Variants in CDH12 observed in about 807,000 individuals in gnomAD.
CDH12 encodes cadherin 12, also known as cadherin-12.
CDH12 carries 41 observed loss-of-function variants against 74.1 expected under a neutral mutation model. The observed-to-expected ratio is 0.55, with a 90% CI of 0.43 to 0.72. CDH12 has a LOEUF of 0.72. Among genes scored for constraint, CDH12 ranks in the 30% least tolerant of loss-of-function variants. The probability of loss-of-function intolerance (pLI) is 0.00; values close to 1 mark genes in which losing one functional copy is unlikely to be tolerated. For synonymous variants in CDH12, 399 were observed against 355.0 expected (o/e 1.12, Z -1.39); for missense variants, 945 against 977.2 (o/e 0.97, Z 0.44).
intron 1 of CDH12, among the ~76,000 whole-genome samples, chr5:22,532,320 G>T (rs1737618489): frequency 2.1e-5 from 2 of 95,660 alleles, no homozygotes; most frequent in African/African-American, 8.2e-5. Context: ...TTTGGCATGG[G>T]CAGTTCTAAC....
At chr5:22,598,190 G>T (rs1361278431) in intron 1 of CDH12, among the ~76,000 whole-genome samples, 1 of 152,158 alleles carries the variant, frequency 6.6e-6, no homozygotes, top group Non-Finnish European at 1.5e-5. Context: ...AAATGGAAAT[G>T]AGAAGGTAAA....
At chr5:22,281,901 G>A (rs1176109346) in intron 3 of CDH12, among the ~76,000 whole-genome samples, 4 of 152,052 alleles carry the variant, frequency 2.6e-5, no homozygotes, top group South Asian at 2.1e-4. Context: ...AACCAAAAAC[G>A]AGCCCGCATA....
At chr5:22,811,567 T>A (rs1749150264) in intron 1 of CDH12, among the ~76,000 whole-genome samples, 1 of 152,154 alleles carries the variant, frequency 6.6e-6, no homozygotes. Context: ...TCCTACCTGA[T>A]AGAGATGAAG....
In CDH12 at chr5:21,872,894, C is replaced by CATCTATCT. The variant is rs59704352; in HGVS notation, c.527-18112_527-18105dup. Among the ~76,000 whole-genome samples the CATCTATCT allele has an allele frequency of 7.2e-3, 1,064 of 146,838 alleles. 16 individuals are homozygous for CATCTATCT. Among genetic ancestry groups the CATCTATCT allele is most frequent in the African/African-American group, 0.016 (628 of 39,444 alleles). ...ATATATCAATCACCTACCTATCATC[C>CATCTATCT]ATCTATCTATCTATCTATCTATCTA... On this transcript the variant is annotated intron_variant, in intron 6 of 14. Coordinates refer to ENST00000382254, the MANE Select transcript of CDH12 (RefSeq NM_004061.5).
chr5:21,912,903 C>T lies in CDH12; in HGVS notation c.527-58113G>A, dbSNP rs1421373589. Among the ~76,000 whole-genome samples the T allele has an allele frequency of 2.6e-5, 4 of 152,144 alleles. No individual in the cohort carries two copies. In the East Asian group the frequency reaches 7.7e-4, roughly 29 times the overall value. Reference sequence around the variant, plus strand: ...TGTCACCCAAGCTGGAGTGCAGTGGCCTGATCTCTACTTATTGCAGCCTCC... The same window carrying T: ...TGTCACCCAAGCTGGAGTGCAGTGGTCTGATCTCTACTTATTGCAGCCTCC... On this transcript the variant is annotated intron_variant, in intron 6 of 14. Coordinates refer to ENST00000382254, the MANE Select transcript of CDH12 (RefSeq NM_004061.5).
chr5:22,363,751 A>G (rs3112475), intron 3 of CDH12, among the ~76,000 whole-genome samples: 151,563 of 152,294 alleles, frequency 1, 75,425 homozygotes, highest in Middle Eastern at 1. Flanking sequence ...TTTGGGAAGT[A>G]AAGACATGAT....
At chr5:22,553,712 C>T (rs10473599) in intron 1 of CDH12, among the ~76,000 whole-genome samples, 24,446 of 152,076 alleles carry the variant, frequency 0.16, 2,540 homozygotes, top group East Asian at 0.37. Context: ...AATTGATCTA[C>T]AGCAGCAGTC....
intron 3 of CDH12, among the ~76,000 whole-genome samples, chr5:22,377,832 A>T (rs565856901): frequency 1.3e-5 from 2 of 152,288 alleles, no homozygotes; most frequent in African/African-American, 4.8e-5. Context: ...TCACTGATGC[A>T]TCATTTAATT....
intron 5 of CDH12, among the ~76,000 whole-genome samples, chr5:22,059,486 TCAACA>T (rs763937181): frequency 2.6e-5 from 4 of 152,120 alleles, no homozygotes; most frequent in South Asian, 2.1e-4. Flanking sequence ...GCTGACTTAG[TCAACA>T]CAACACAACA....
At chr5:22,739,708 C>A (rs921063995) in intron 1 of CDH12, among the ~76,000 whole-genome samples, 5 of 152,018 alleles carry the variant, frequency 3.3e-5, no homozygotes, top group African/African-American at 1.2e-4. Context: ...TTAACCATCA[C>A]CCCTCCATTT....
At chr5:21,906,111 T>C (rs1753629976) in intron 6 of CDH12, among the ~76,000 whole-genome samples, 1 of 152,196 alleles carries the variant, frequency 6.6e-6, no homozygotes, top group East Asian at 1.9e-4. Flanking sequence ...CATTAATTAA[T>C]ATCTAAATTA....
chr5:22,689,258 A>G (rs1580889980), intron 1 of CDH12, among the ~76,000 whole-genome samples: 1 of 152,202 alleles, frequency 6.6e-6, no homozygotes, highest in African/African-American at 2.4e-5. Context: ...AGATGGATAA[A>G]GCATGGCGTG....
chr5:22,213,143 T>C (rs867699883), intron 3 of CDH12, among the ~76,000 whole-genome samples: 10 of 152,214 alleles, frequency 6.6e-5, no homozygotes, highest in Non-Finnish European at 1.3e-4. Context: ...GCTGCACTTG[T>C]CTCTGCCGCT....
At chr5:22,604,801 T>C (rs1388600776) in intron 1 of CDH12, among the ~76,000 whole-genome samples, 1 of 152,138 alleles carries the variant, frequency 6.6e-6, no homozygotes, top group Admixed American at 6.5e-5. Context: ...AGGCACACTT[T>C]GGGCTCTCAC....
chr5:22,620,459 C>T (rs1427054800), intron 1 of CDH12, among the ~76,000 whole-genome samples: 1 of 151,922 alleles, frequency 6.6e-6, no homozygotes, highest in Admixed American at 6.6e-5. Context: ...CAAAACACTA[C>T]ACATGGAAAA....
intron 1 of CDH12, among the ~76,000 whole-genome samples, chr5:22,617,255 T>A (rs1227540621): frequency 6.6e-6 from 1 of 152,038 alleles, no homozygotes; most frequent in Non-Finnish European, 1.5e-5. Context: ...AAGGTGCCAC[T>A]TAGGAATGAG....
chr5:22,582,207 G>A (rs1428731161), intron 1 of CDH12, among the ~76,000 whole-genome samples: 1 of 152,070 alleles, frequency 6.6e-6, no homozygotes, highest in African/African-American at 2.4e-5. Context: ...ATTTTATCCT[G>A]TATGTATGTT....
chr5:22,555,555 A>G (rs1041508676), intron 1 of CDH12, among the ~76,000 whole-genome samples: 4 of 151,992 alleles, frequency 2.6e-5, no homozygotes, highest in African/African-American at 9.6e-5. Flanking sequence ...CTTCTTTGAA[A>G]AATTTTTTAG....
intron 1 of CDH12, among the ~76,000 whole-genome samples, chr5:22,793,518 G>A (rs975604625): frequency 7.9e-5 from 12 of 152,236 alleles, no homozygotes; most frequent in Middle Eastern, 3.4e-3. Flanking sequence ...TGTCTCTTAC[G>A]TGGTTTTGAA....
Sources: allele counts gnomAD v4.1 joint callset (sites outside exome capture counted in the v4.1 genomes callset), GRCh38; gene constraint gnomAD v4.1.1; transcripts MANE v1.5; gene names NCBI Gene and HGNC (gene_info 2026-07-23, HGNC 2026-07-21).